Variants in ALMS1 observed in about 807,000 individuals in gnomAD.
ALMS1 encodes the protein centrosome-associated protein ALMS1.
In ALMS1, 271 loss-of-function variants were observed where a neutral mutation model predicts 352.2. The ratio of observed to expected loss-of-function variants is 0.77; its 90% CI spans 0.70 to 0.85. The LOEUF (loss-of-function observed/expected upper bound fraction) is 0.85. Among genes scored for constraint, ALMS1 ranks in the 40% least tolerant of loss-of-function variants. The probability of loss-of-function intolerance (pLI) is 0.00; values close to 1 mark genes in which losing one functional copy is unlikely to be tolerated. For missense variants in ALMS1, 5,445 were observed against 4,870.7 expected (o/e 1.12, Z -3.51); for synonymous variants, 1,865 against 1,761.2 (o/e 1.06, Z -1.48).
At chr2:73,414,510 A>T (rs1185045201) in intron 2 of ALMS1, among the ~76,000 whole-genome samples, 2 of 35,730 alleles carry the variant, frequency 5.6e-5, no homozygotes, top group Admixed American at 3.9e-4. Flanking sequence ...GCTTTATTAC[A>T]CTGGCTAGGA....
At chr2:73,508,188 G>C in intron 10 of ALMS1, among the ~76,000 whole-genome samples, 15 of 114,124 alleles carry the variant, frequency 1.3e-4, no homozygotes, top group South Asian at 2.8e-4. Flanking sequence ...TTTCCACCCT[G>C]CCCTCCTTTC....
intron 11 of ALMS1, among the ~76,000 whole-genome samples, chr2:73,523,972 G>C (rs911952154): frequency 1.3e-5 from 2 of 152,122 alleles, no homozygotes; most frequent in African/African-American, 4.8e-5. Flanking sequence ...GAGGCATTCG[G>C]CCATGAGAAA....
chr2:73,477,671 A>C (rs749650849), intron 9 of ALMS1, among the ~76,000 whole-genome samples: 22 of 152,226 alleles, frequency 1.4e-4, no homozygotes, highest in Non-Finnish European at 3.1e-4. Context: ...GTTTTTTAGT[A>C]TACTAGACAT....
intron 11 of ALMS1, among the ~76,000 whole-genome samples, chr2:73,520,477 T>TA (rs1225857890): frequency 1.1e-4 from 16 of 152,254 alleles, no homozygotes; most frequent in Admixed American, 1.0e-3. Context: ...GTTTATCTCT[T>TA]ACTTATAAAG....
At chr2:73,565,531 A>G (rs983933586) in intron 15 of ALMS1, among the ~76,000 whole-genome samples, 3 of 152,204 alleles carry the variant, frequency 2.0e-5, no homozygotes, top group East Asian at 1.9e-4. Context: ...GAGGTGGAAC[A>G]TAACTCCCAC....
chr2:73,398,559 G>A (rs917891415), intron 1 of ALMS1, among the ~76,000 whole-genome samples: 1 of 152,078 alleles, frequency 6.6e-6, no homozygotes, highest in African/African-American at 2.4e-5. Context: ...TGACAATATT[G>A]AGTATTTCAT....
chr2:73,603,106 G>C (rs1326508992), intron 20 of ALMS1, 135 bp from the exon 21 acceptor site: 6 of 779,780 alleles, frequency 7.7e-6, no homozygotes, highest in Non-Finnish European at 1.1e-5. Context: ...GGCTTGCCTT[G>C]GTCATTGCTC....
rs780945951 is a variant in ALMS1, at chr2:73,490,040, T to G, written c.8081T>G (p.Val2694Gly). Residue 2694 changes from valine to glycine, a missense_variant, in exon 10 of 23, where the codon GTG becomes GGG. Transcript: ENST00000613296. ...VEPAFVPPKE[V>G]DFHSSSQMPS... is the part of the protein sequence containing the mutation. ...CCTGCTTTTGTGCCACCTAAAGAAG[T>G]GGATTTTCATTCTTCATCACAAATG... 2 of 1,614,154 alleles carry G rather than the reference T, an allele frequency of 1.2e-6. No homozygotes were observed. The highest frequency in any genetic ancestry group is 2.2e-5 in the East Asian group (1 of 44,888).
intron 9 of ALMS1, among the ~76,000 whole-genome samples, chr2:73,465,174 C>A (rs1436183271): frequency 3.9e-5 from 6 of 151,982 alleles, no homozygotes; most frequent in African/African-American, 1.5e-4. Context: ...GAGCCTGCAT[C>A]GCCAAGTCAA....
At chr2:73,399,827 A>G (rs549627637) in intron 1 of ALMS1, among the ~76,000 whole-genome samples, 6 of 151,400 alleles carry the variant, frequency 4.0e-5, no homozygotes, top group Admixed American at 6.6e-5. Flanking sequence ...CTCTATTCCT[A>G]TTTTAATGAG....
In ALMS1 at chr2:73,489,646, C is replaced by T; in HGVS notation, c.7687C>T (p.Pro2563Ser). The change falls in exon 10 of 23, where the codon CCA becomes TCA. Residue 2563 changes from proline to serine, a missense_variant. Transcript: ENST00000613296. ...TTGTATCTTCTAGGGTTTACAGAGT[C>T]CACGGGGAATGGGATGCAAGCCAGA... is the stretch of plus-strand genomic sequence containing the variant. Reference protein sequence around the residue: ...TTDLSKGLQSPRGMGCKPEAV... With the variant: ...TTDLSKGLQSSRGMGCKPEAV... The T allele has an allele frequency of 6.2e-7, 1 of 1,614,110 alleles. No homozygotes were observed. Among genetic ancestry groups the T allele is most frequent in the Non-Finnish European group, 8.5e-7 (1 of 1,180,026 alleles).
chr2:73,543,769 C>T (rs998572391), intron 12 of ALMS1, among the ~76,000 whole-genome samples: 3 of 152,178 alleles, frequency 2.0e-5, no homozygotes, highest in African/African-American at 7.2e-5. Flanking sequence ...AAAAAATGCT[C>T]ATCATCACTG....
At chr2:73,522,426 G>A (rs1319694688) in intron 11 of ALMS1, among the ~76,000 whole-genome samples, 1 of 149,472 alleles carries the variant, frequency 6.7e-6, no homozygotes, top group Non-Finnish European at 1.5e-5. Context: ...TGATAGAGTG[G>A]TACAAATATT....
At chr2:73,543,504 A>G (rs1355531463) in intron 12 of ALMS1, among the ~76,000 whole-genome samples, 1 of 152,360 alleles carries the variant, frequency 6.6e-6, no homozygotes, top group South Asian at 2.1e-4. Context: ...ACAAAAGCCA[A>G]AATTGACAAA....
intron 21 of ALMS1, among the ~76,000 whole-genome samples, chr2:73,607,686 G>A (rs569734986): frequency 5.3e-4 from 80 of 151,940 alleles, no homozygotes; most frequent in African/African-American, 1.9e-3. Context: ...TTATCACCCA[G>A]CTGTAGTGCA....
intron 1 of ALMS1, among the ~76,000 whole-genome samples, chr2:73,390,767 CT>C (rs879593619): frequency 8.3e-4 from 121 of 145,274 alleles, no homozygotes; most frequent in African/African-American, 1.1e-3. Flanking sequence ...GCTTGGAAAT[CT>C]TTTTTTTTTT....
In ALMS1 at chr2:73,471,166, C is replaced by T. The variant is rs1672457476; in HGVS notation, c.7674+15871C>T. The T allele has an allele frequency of 1.3e-5, 2 of 149,362 alleles. 1 individual carries two copies. Among genetic ancestry groups the T allele is most frequent in the South Asian group, 4.2e-4 (2 of 4,778 alleles). 9.3% of individuals were successfully genotyped at this position (149,362 alleles called of 1,614,324 possible). On this transcript the variant is annotated intron_variant, in intron 9 of 22. Coordinates refer to ENST00000613296, the MANE Select transcript of ALMS1 (RefSeq NM_001378454.1). ...GTTTCTTTCTTGTAGTTGTTTTGTC[C>T]CTTTTGTCCTCTCTTGCTGTCTTCC... is the stretch of plus-strand genomic sequence containing the variant.
chr2:73,513,409 C>T (rs979596305), intron 10 of ALMS1, among the ~76,000 whole-genome samples: 1 of 152,158 alleles, frequency 6.6e-6, no homozygotes, highest in Non-Finnish European at 1.5e-5. Context: ...ACATTGGTCT[C>T]CCTCTACTTG....
intron 6 of ALMS1, among the ~76,000 whole-genome samples, chr2:73,428,713 C>T (rs1042686637): frequency 1.3e-5 from 2 of 152,134 alleles, no homozygotes; most frequent in Non-Finnish European, 2.9e-5. Flanking sequence ...CCTGTATTGT[C>T]TTTCAGTTGT....
Sources: allele counts gnomAD v4.1 joint callset (sites outside exome capture counted in the v4.1 genomes callset), GRCh38; gene constraint gnomAD v4.1.1; transcripts MANE v1.5; gene names NCBI Gene and HGNC (gene_info 2026-07-23, HGNC 2026-07-21).